Variants in DNAH6 observed in about 807,000 individuals in gnomAD.
DNAH6 encodes axonemal beta dynein heavy chain 6.
A neutral mutation model predicts 491.4 loss-of-function variants in DNAH6; 340 were observed. That is an observed-to-expected ratio of 0.69 (90% CI 0.63 to 0.76). The LOEUF (loss-of-function observed/expected upper bound fraction) is 0.76. Among genes scored for constraint, DNAH6 ranks in the 30% least tolerant of loss-of-function variants. DNAH6 has a pLI of 0.00. For missense variants in DNAH6, 4,443 were observed against 4,972.2 expected (o/e 0.89, Z 3.20); for synonymous variants, 1,603 against 1,686.1 (o/e 0.95, Z 1.21).
chr2:84,505,117 T>C, the DNAH6 span, among the ~76,000 whole-genome samples: 2 of 152,238 alleles, frequency 1.3e-5, no homozygotes, highest in African/African-American at 2.4e-5. Flanking sequence ...GCAATGCTAT[T>C]ATACATGGAA....
the DNAH6 span, among the ~76,000 whole-genome samples, chr2:84,484,646 C>T: frequency 4.6e-5 from 7 of 152,194 alleles, no homozygotes; most frequent in African/African-American, 1.4e-4. Context: ...TCACATCTCC[C>T]TCTGAACACA....
chr2:84,720,720 C>A (rs1049905026), intron 59 of DNAH6, among the ~76,000 whole-genome samples: 2 of 152,148 alleles, frequency 1.3e-5, no homozygotes, highest in African/African-American at 2.4e-5. Flanking sequence ...TGTCTGCTTT[C>A]GAGCTCCCAA....
chr2:84,524,261 G>A (rs1224210123), intron 2 of DNAH6, among the ~76,000 whole-genome samples: 2 of 151,050 alleles, frequency 1.3e-5, no homozygotes, highest in East Asian at 1.9e-4. Flanking sequence ...TCTGAAATTA[G>A]GATTGCAACC....
At chr2:84,644,798 T>C (rs541749741) in intron 33 of DNAH6, among the ~76,000 whole-genome samples, 1 of 152,334 alleles carries the variant, frequency 6.6e-6, no homozygotes, top group South Asian at 2.1e-4. Context: ...TGTGTATTAT[T>C]CCAAGGTGCA....
intron 20 of DNAH6, among the ~76,000 whole-genome samples, chr2:84,606,232 A>T (rs1238330118): frequency 6.6e-6 from 1 of 152,216 alleles, no homozygotes; most frequent in Non-Finnish European, 1.5e-5. Context: ...TCCAGGCCAG[A>T]ATTAGAGATA....
At chr2:84,604,289 A>T (rs1685543579) in intron 18 of DNAH6, 50 bp from the exon 19 acceptor site, 1 of 1,414,290 alleles carries the variant, frequency 7.1e-7, no homozygotes, top group South Asian at 1.2e-5. Context: ...CCTGTGGGTT[A>T]TATTTTTAAG....
At chr2:84,482,149 C>T in the DNAH6 span, among the ~76,000 whole-genome samples, 2 of 152,182 alleles carry the variant, frequency 1.3e-5, no homozygotes, top group East Asian at 3.8e-4. Flanking sequence ...AACACCTTCA[C>T]AGATTTAATT....
intron 26 of DNAH6, among the ~76,000 whole-genome samples, chr2:84,621,999 T>A (rs1313552634): frequency 6.6e-6 from 1 of 152,204 alleles, no homozygotes; most frequent in Non-Finnish European, 1.5e-5. Flanking sequence ...TTCAATGAAT[T>A]TAAATACCAT....
rs1188715206 is a variant in DNAH6 at position 84,681,387 on chromosome 2, C to T, written c.6775C>T (p.Pro2259Ser). 6 of 1,549,932 alleles carry T rather than the reference C, an allele frequency of 3.9e-6. No individual in the cohort carries two copies. The highest frequency in any genetic ancestry group is 5.2e-6 in the Non-Finnish European group (6 of 1,146,250). ...CTTAAATGGTTTCCTGAGTGACTTTCCACCAGCTGTAAAGCAAACTGCATC... is the reference window on the plus strand; with the variant it reads ...CTTAAATGGTTTCCTGAGTGACTTTTCACCAGCTGTAAAGCAAACTGCATC... ...AILNGFLSDF[P>S]PAVKQTASSI... is the part of the protein sequence containing the mutation. The change falls in exon 42 of 77, where the codon CCA becomes TCA. Residue 2259 changes from proline to serine, a missense_variant. Pro to Ser is a moderately conservative substitution (Grantham distance 74, BLOSUM62 -1). Coordinates refer to ENST00000389394, the MANE Select transcript of DNAH6 (RefSeq NM_001370.2).
intron 20 of DNAH6, 44 bp from the exon 21 acceptor site, chr2:84,606,932 C>T: frequency 6.5e-7 from 1 of 1,533,600 alleles, no homozygotes. Flanking sequence ...ACTGAAAGCA[C>T]AAATACTGGG....
At chr2:84,490,448 C>G in the DNAH6 span, among the ~76,000 whole-genome samples, 2 of 152,100 alleles carry the variant, frequency 1.3e-5, no homozygotes, top group East Asian at 3.8e-4. Flanking sequence ...CCAAATTTCC[C>G]CATGCTTCAA....
intron 10 of DNAH6, among the ~76,000 whole-genome samples, chr2:84,557,213 T>G (rs1451740588): frequency 6.6e-6 from 1 of 152,212 alleles, no homozygotes; most frequent in Non-Finnish European, 1.5e-5. Context: ...TGTTGCAATT[T>G]TTTTGTCTCT....
At chr2:84,782,671 A>T (rs1010682352) in intron 65 of DNAH6, among the ~76,000 whole-genome samples, 38 of 151,048 alleles carry the variant, frequency 2.5e-4, no homozygotes, top group African/African-American at 9.0e-4. Flanking sequence ...CACTATTTCC[A>T]CTCTTTTGCT....
intron 54 of DNAH6, 83 bp downstream of exon 54, chr2:84,707,799 T>C: frequency 9.6e-7 from 1 of 1,038,880 alleles, no homozygotes; most frequent in Admixed American, 2.4e-5. Context: ...TGAGTTCAGA[T>C]GGAGGCTCTC....
intron 13 of DNAH6, among the ~76,000 whole-genome samples, chr2:84,579,289 G>A (rs1177916645): frequency 6.6e-6 from 1 of 152,182 alleles, no homozygotes; most frequent in East Asian, 1.9e-4. Context: ...AAGCATACTT[G>A]CAAAATATTA....
chr2:84,531,215 T>C (rs572157515), intron 4 of DNAH6, among the ~76,000 whole-genome samples: 87 of 152,144 alleles, frequency 5.7e-4, no homozygotes, highest in Non-Finnish European at 1.1e-3. Flanking sequence ...TTTATCCCAG[T>C]GAGCACAGGG....
At chr2:84,725,677 A>G (rs1157185552) in intron 60 of DNAH6, among the ~76,000 whole-genome samples, 1 of 152,240 alleles carries the variant, frequency 6.6e-6, no homozygotes, top group African/African-American at 2.4e-5. Flanking sequence ...TATAGGATGA[A>G]TCATGAAAGC....
chr2:84,792,767 A>G (rs543119430), intron 68 of DNAH6, among the ~76,000 whole-genome samples: 198 of 152,310 alleles, frequency 1.3e-3, no homozygotes, highest in African/African-American at 4.5e-3. Context: ...ATGGTCTTTT[A>G]GGTTAGGAAG....
chr2:84,469,787 C>T, the DNAH6 span, among the ~76,000 whole-genome samples: 1 of 152,178 alleles, frequency 6.6e-6, no homozygotes, highest in Non-Finnish European at 1.5e-5. This position sits in a 1 kb window ranked among gnomAD's most constrained non-coding sequence, Gnocchi z 4.0. Flanking sequence ...AACAGCAAAG[C>T]ATGCAAGGCA....
Sources: allele counts gnomAD v4.1 joint callset (sites outside exome capture counted in the v4.1 genomes callset), GRCh38; gene constraint gnomAD v4.1.1; non-coding constraint Gnocchi (gnomAD v3.1); transcripts MANE v1.5; gene names NCBI Gene and HGNC (gene_info 2026-07-23, HGNC 2026-07-21).